Variants in MAK observed in about 807,000 individuals in gnomAD.
MAK encodes the protein male germ cell associated kinase.
MAK carries 65 observed loss-of-function variants against 82.6 expected under a neutral mutation model. That is an observed-to-expected ratio of 0.79 (90% CI 0.64 to 0.97). The LOEUF is 0.97. MAK is among the 50% of genes least tolerant of loss of function. MAK has a pLI of 0.00. For missense variants in MAK, 703 were observed against 780.2 expected (o/e 0.90, Z 1.18); for synonymous variants, 250 against 274.2 (o/e 0.91, Z 0.87).
At chr6:10,792,474 A>G (rs566050112) in intron 9 of MAK, among the ~76,000 whole-genome samples, 1 of 152,354 alleles carries the variant, frequency 6.6e-6, no homozygotes, top group South Asian at 2.1e-4. Flanking sequence ...AGTTTTTGTC[A>G]TAAGTCCCTG....
At chr6:10,828,417 TGTGA>T (rs897762805) in intron 2 of MAK, among the ~76,000 whole-genome samples, 3 of 152,134 alleles carry the variant, frequency 2.0e-5, no homozygotes, top group African/African-American at 7.2e-5. Context: ...ATGCCAACCC[TGTGA>T]GTGAGTGTGA....
At chr6:10,782,333 G>A (rs1774075143) in intron 11 of MAK, among the ~76,000 whole-genome samples, 1 of 152,014 alleles carries the variant, frequency 6.6e-6, no homozygotes, top group African/African-American at 2.4e-5. Context: ...ATGGCTTCAT[G>A]CCAATTTCTT....
At chr6:10,830,144 T>C (rs1044375786) in intron 2 of MAK, among the ~76,000 whole-genome samples, 1 of 147,534 alleles carries the variant, frequency 6.8e-6, no homozygotes, top group African/African-American at 2.5e-5. Flanking sequence ...TGTGTGTGTG[T>C]GTGTGTGTGT....
At chr6:10,821,042 G>A (rs1322846339) in intron 2 of MAK, among the ~76,000 whole-genome samples, 1 of 151,882 alleles carries the variant, frequency 6.6e-6, no homozygotes, top group African/African-American at 2.4e-5. Flanking sequence ...TTGACCTCCT[G>A]GGCTCAGGTG....
chr6:10,823,523 T>C (rs1194809336), intron 2 of MAK, among the ~76,000 whole-genome samples: 2 of 152,096 alleles, frequency 1.3e-5, no homozygotes, highest in Non-Finnish European at 2.9e-5. Flanking sequence ...GTATTCAATG[T>C]AGAACGTATT....
chr6:10,775,553 C>A (rs575538226), intron 11 of MAK, 94 bp from the exon 12 acceptor site: 1 of 1,339,364 alleles, frequency 7.5e-7, no homozygotes, highest in South Asian at 1.2e-5. Flanking sequence ...CTAGAGACAC[C>A]TTGGACAGGA....
chr6:10,836,581 G>C (rs1779160704), intron 1 of MAK, among the ~76,000 whole-genome samples: 1 of 152,132 alleles, frequency 6.6e-6, no homozygotes, highest in Non-Finnish European at 1.5e-5. Flanking sequence ...CTTAAACACA[G>C]GCTTCCCATG....
In MAK at chr6:10,791,757, C is replaced by T. The variant is rs1775109924; in HGVS notation, c.1234G>A (p.Asp412Asn). 2 of 1,614,062 alleles carry T rather than the reference C, an allele frequency of 1.2e-6. No homozygotes were observed. Among genetic ancestry groups the T allele is most frequent in the Non-Finnish European group, 1.7e-6 (2 of 1,179,970 alleles). ...KSGDSWEELEDYDFGASHSKK... is the reference protein window; with the variant it reads ...KSGDSWEELENYDFGASHSKK... ...GAATGGGAGGCTCCGAAATCATAGT[C>T]CTCCAACTCTTCCCAGCTATCTCCA... is the stretch of plus-strand genomic sequence containing the variant. The change falls in exon 10 of 15, where the codon GAC becomes AAC. Residue 412 changes from aspartate to asparagine, a missense_variant. Asp to Asn is a conservative substitution (Grantham distance 23, BLOSUM62 1). Transcript: ENST00000354489.
At position 10,821,847 on chromosome 6, in the gene MAK, T is replaced by TA. The variant is rs758550193; in HGVS notation, c.102-2908dup. ...GGCAACACAGGGAGACTTTGTCTCT[T>TA]AAAAAAAAAAAAATCTGAGGCCGGG... On this transcript the variant is annotated intron_variant, in intron 2 of 14. Coordinates refer to ENST00000354489, the MANE Select transcript of MAK (RefSeq NM_001242957.3). Among the ~76,000 whole-genome samples, 931 of 129,842 alleles carry TA rather than the reference T, an allele frequency of 7.2e-3. 7 individuals carry two copies. The highest frequency in any genetic ancestry group is 0.013 in the South Asian group (52 of 3,982). 85.2% of individuals were successfully genotyped at this position (129,842 alleles called of 152,430 possible).
chr6:10,762,764 G>T lies in MAK; in HGVS notation c.*1688C>A, dbSNP rs501948. On this transcript the variant is annotated 3_prime_UTR_variant, in exon 15 of 15. Coordinates refer to ENST00000354489, the MANE Select transcript of MAK (RefSeq NM_001242957.3). The stretch of plus-strand genomic sequence containing the variant: ...TAATGCCTATTCAGAGTTTAAAAGT[G>T]TCCCAGTAACAAAAGACTGCACAGC... 0.83 allele frequency: 126,917 copies of T among 152,624 alleles called. 53,163 individuals are homozygous for T. The highest frequency in any genetic ancestry group is 0.93 in the African/African-American group (38,767 of 41,526). The allele number at this position is 152,624 out of a possible 1,614,324, so 9.5% of individuals were successfully genotyped here.
chr6:10,795,936 A>G, intron 9 of MAK, 62 bp downstream of exon 9: 2 of 1,557,714 alleles, frequency 1.3e-6, no homozygotes, highest in Non-Finnish European at 1.8e-6. Flanking sequence ...AAATGCCTCG[A>G]AAAAAATCTT....
chr6:10,817,042 A>G (rs1777550587), intron 4 of MAK, among the ~76,000 whole-genome samples: 1 of 152,178 alleles, frequency 6.6e-6, no homozygotes, highest in Non-Finnish European at 1.5e-5. Context: ...GGCCTGGAAC[A>G]TAAGAGGCAT....
In MAK at chr6:10,773,054, T is replaced by C; in HGVS notation, c.1652A>G (p.Glu551Gly). 1 of 1,532,324 alleles carries C rather than the reference T, an allele frequency of 6.5e-7. No homozygotes were observed. Among genetic ancestry groups the C allele is most frequent in the Non-Finnish European group, 8.7e-7 (1 of 1,143,808 alleles). 94.9% of individuals were successfully genotyped at this position (1,532,324 alleles called of 1,614,324 possible). The change falls in exon 13 of 15, where the codon GAA (glutamate) becomes GGA (glycine). Residue 551 changes from glutamate (E) to glycine (G), a missense_variant. Coordinates refer to ENST00000354489, the MANE Select transcript of MAK (RefSeq NM_001242957.3). ...ATTACCTTGTGGGTCCTCTAATTTT[T>C]CAGGAAAAGTTTCATTGCATGATAG... ...EKLSCNETFP[E>G]KLEDPQGNLG...
chr6:10,810,107 AAAAAAAAAGAAAG>A (rs1776803273), intron 5 of MAK, among the ~76,000 whole-genome samples: 1 of 139,124 alleles, frequency 7.2e-6, no homozygotes, highest in African/African-American at 2.8e-5. Flanking sequence ...CAAAAAAAAA[AAAAAAAAAGAAAG>A]AAAAGAAAAA....
intron 2 of MAK, among the ~76,000 whole-genome samples, chr6:10,819,697 CA>C (rs1581753291): frequency 6.6e-6 from 1 of 152,058 alleles, no homozygotes; most frequent in African/African-American, 2.4e-5. Context: ...ATAAATATAC[CA>C]AAAGTGTATT....
At chr6:10,803,688 A>G in intron 7 of MAK, 32 bp downstream of exon 7, 1 of 1,588,292 alleles carries the variant, frequency 6.3e-7, no homozygotes, top group Non-Finnish European at 8.6e-7. Flanking sequence ...AATAATCAAA[A>G]GTTATAGCAA....
intron 6 of MAK, 80 bp from the exon 7 acceptor site, chr6:10,803,971 G>A (rs1776215061): frequency 8.2e-7 from 1 of 1,217,018 alleles, no homozygotes; most frequent in Non-Finnish European, 1.2e-6. Flanking sequence ...ACGCTGTGTG[G>A]TCATGCATTT....
chr6:10,791,880 A>C (rs913511741), intron 9 of MAK, 33 bp from the exon 10 acceptor site: 6 of 1,609,768 alleles, frequency 3.7e-6, no homozygotes, highest in Admixed American at 1.7e-5. Context: ...ATAATCTTTA[A>C]TCATGTACTG....
At chr6:10,768,298 C>T (rs971501476) in intron 14 of MAK, among the ~76,000 whole-genome samples, 2 of 151,940 alleles carry the variant, frequency 1.3e-5, no homozygotes, top group Non-Finnish European at 2.9e-5. Flanking sequence ...AAAATGTGGC[C>T]GGGTGCAGTG....
Sources: allele counts gnomAD v4.1 joint callset (sites outside exome capture counted in the v4.1 genomes callset), GRCh38; gene constraint gnomAD v4.1.1; transcripts MANE v1.5; gene names NCBI Gene and HGNC (gene_info 2026-07-23, HGNC 2026-07-21).